The following TMEM232 variants were observed in gnomAD, a reference collection of about 807,000 sequenced individuals.
TMEM232 encodes the protein transmembrane protein 232.
In TMEM232, 80 loss-of-function variants were observed where a neutral mutation model predicts 78.8. The observed-to-expected ratio is 1.01, with a 90% CI of 0.85 to 1.22. TMEM232 has a LOEUF of 1.22. Ranked by LOEUF, TMEM232 falls within the 50% of genes most tolerant of loss-of-function variation. The pLI, the probability that TMEM232 is intolerant of heterozygous loss-of-function variation, is 0.00. For missense variants in TMEM232, 881 were observed against 742.2 expected, an observed-to-expected ratio of 1.19 and a Z score of -2.17; for synonymous variants, 297 against 254.3, an observed-to-expected ratio of 1.17 and a Z score of -1.60.
chr5:110,581,598 C>A (rs1006101373), intron 10 of TMEM232, among the ~76,000 whole-genome samples: 1 of 151,742 alleles, frequency 6.6e-6, no homozygotes, highest in Non-Finnish European at 1.5e-5. Flanking sequence ...ATTCTTGACA[C>A]AGGCTCTGAG....
chr5:110,665,613 G>A (rs1178789751), intron 2 of TMEM232, among the ~76,000 whole-genome samples: 1 of 151,570 alleles, frequency 6.6e-6, no homozygotes, highest in Admixed American at 6.6e-5. Context: ...GAACAGCAAG[G>A]GGAAATCCAT....
chr5:110,616,953 G>C (rs1345610321), intron 8 of TMEM232, among the ~76,000 whole-genome samples: 1 of 152,114 alleles, frequency 6.6e-6, no homozygotes, highest in Non-Finnish European at 1.5e-5. Context: ...AGTGAAATCA[G>C]TATGTTGAAG....
chr5:110,514,200 G>C (rs529445430), intron 12 of TMEM232, among the ~76,000 whole-genome samples: 4 of 152,040 alleles, frequency 2.6e-5, no homozygotes, highest in Admixed American at 2.0e-4. Flanking sequence ...ATACATGTCT[G>C]GCATAGTCAA....
At chr5:110,724,453 C>A (rs7708211) in intron 1 of TMEM232, among the ~76,000 whole-genome samples, 11,099 of 152,254 alleles carry the variant, frequency 0.073, 483 homozygotes, top group South Asian at 0.2. Context: ...CATTTCAGGT[C>A]CCTAAACACT....
chr5:110,558,264 C>T (rs554093716), intron 11 of TMEM232, among the ~76,000 whole-genome samples: 1 of 152,170 alleles, frequency 6.6e-6, no homozygotes, highest in South Asian at 2.1e-4. Flanking sequence ...GTGGGGCCCA[C>T]TCTTATGTAC....
chr5:110,486,906 C>A (rs1764521560), intron 12 of TMEM232, among the ~76,000 whole-genome samples: 3 of 151,844 alleles, frequency 2.0e-5, no homozygotes, highest in African/African-American at 7.3e-5. Context: ...TTGCTTTTGG[C>A]AGTCTGGTCG....
chr5:110,514,974 T>C (rs1317981454), intron 12 of TMEM232, among the ~76,000 whole-genome samples: 2 of 152,208 alleles, frequency 1.3e-5, no homozygotes, highest in African/African-American at 4.8e-5. Context: ...TTGAACATAT[T>C]TTTAAACAAT....
intron 4 of TMEM232, among the ~76,000 whole-genome samples, chr5:110,389,359 C>G (rs770607625): frequency 1.3e-4 from 20 of 152,066 alleles, no homozygotes; most frequent in African/African-American, 4.1e-4. Context: ...TTTAAGAAAC[C>G]TAGGAGGCTG....
At chr5:110,494,927 T>C (rs1765483949) in intron 12 of TMEM232, among the ~76,000 whole-genome samples, 1 of 151,776 alleles carries the variant, frequency 6.6e-6, no homozygotes, top group Admixed American at 6.6e-5. Context: ...TGGAAACATA[T>C]ACTTATTATA....
rs1214257052 is a variant in TMEM232, at chr5:110,420,760, T to C, written c.1798-4A>G. Reference sequence around the variant, plus strand: ...GGATCTTTAGCTCTTCCTGCCACTGTTACAGAGAGAAAACGTCATTCACAT... The same window carrying C: ...GGATCTTTAGCTCTTCCTGCCACTGCTACAGAGAGAAAACGTCATTCACAT... On this transcript the variant is annotated splice_polypyrimidine_tract_variant and splice_region_variant and intron_variant, in intron 13 of 13. Coordinates refer to ENST00000455884, the MANE Select transcript of TMEM232 (RefSeq NM_001039763.4). The C allele has an allele frequency of 1.3e-6, 2 of 1,509,974 alleles. No individual in the cohort carries two copies. The highest frequency in any genetic ancestry group is 1.8e-6 in the Non-Finnish European group (2 of 1,138,748). 93.5% of individuals were successfully genotyped at this position (1,509,974 alleles called of 1,614,324 possible).
At chr5:110,679,761 T>C (rs1324225661) in intron 1 of TMEM232, among the ~76,000 whole-genome samples, 4 of 134,588 alleles carry the variant, frequency 3.0e-5, no homozygotes, top group Non-Finnish European at 6.7e-5. Flanking sequence ...CATTAATATA[T>C]ATAATTTTGC....
chr5:110,512,202 A>G (rs1216490391), intron 12 of TMEM232, among the ~76,000 whole-genome samples: 1 of 152,212 alleles, frequency 6.6e-6, no homozygotes, highest in Non-Finnish European at 1.5e-5. Context: ...TGGAAGAAGT[A>G]TAATTTTTAT....
chr5:110,518,716 A>G (rs1263245100), intron 12 of TMEM232, among the ~76,000 whole-genome samples: 1 of 152,178 alleles, frequency 6.6e-6, no homozygotes, highest in Non-Finnish European at 1.5e-5. Flanking sequence ...GCTGCACTCA[A>G]TTATTACAGC....
intron 12 of TMEM232, among the ~76,000 whole-genome samples, chr5:110,497,521 G>A (rs987588671): frequency 3.9e-5 from 6 of 152,168 alleles, no homozygotes; most frequent in Non-Finnish European, 7.4e-5. Flanking sequence ...AATCAAACAT[G>A]TTCTATTTGA....
intron 10 of TMEM232, among the ~76,000 whole-genome samples, chr5:110,582,621 T>C (rs768646345): frequency 6.6e-6 from 1 of 151,910 alleles, no homozygotes; most frequent in Non-Finnish European, 1.5e-5. Flanking sequence ...TCTACTCTGG[T>C]GATGTCTATT....
intron 12 of TMEM232, among the ~76,000 whole-genome samples, chr5:110,518,685 G>T (rs903914851): frequency 1.3e-5 from 2 of 151,938 alleles, no homozygotes; most frequent in African/African-American, 4.8e-5. Context: ...GTACACAAAG[G>T]AAAGCCTGCC....
At chr5:110,526,025 C>CAAAAAAAAAA (rs758110596) in intron 12 of TMEM232, among the ~76,000 whole-genome samples, 4 of 47,810 alleles carry the variant, frequency 8.4e-5, no homozygotes, top group African/African-American at 1.7e-4. Context: ...CACCATACAC[C>CAAAAAAAAAA]AAAAAAAAAA....
intron 2 of TMEM232, among the ~76,000 whole-genome samples, chr5:110,399,874 G>A (rs1024542958): frequency 5.3e-5 from 8 of 151,984 alleles, no homozygotes; most frequent in African/African-American, 7.2e-5. Context: ...AATTATTATC[G>A]TAGTCTCCCC....
chr5:110,700,220 T>C (rs1158722833), intron 1 of TMEM232, among the ~76,000 whole-genome samples: 1 of 152,052 alleles, frequency 6.6e-6, no homozygotes, highest in Non-Finnish European at 1.5e-5. Context: ...GAAACTATGC[T>C]AGACTATTAT....
Sources: gnomAD v4.1 joint callset for allele counts (sites outside exome capture counted in the v4.1 genomes callset) on GRCh38, gnomAD v4.1.1 for gene constraint, MANE v1.5 for transcripts, NCBI Gene and HGNC (gene_info 2026-07-23, HGNC 2026-07-21) for gene names.